TTN: variants seen among roughly 807,000 people sequenced by gnomAD.
TTN encodes titin.
Under a neutral mutation model 3,223.0 loss-of-function variants are expected in TTN, and 1,525 were observed. That is an observed-to-expected ratio of 0.47 (90% CI 0.45 to 0.49). TTN has a LOEUF of 0.49. Among genes scored for constraint, TTN ranks in the 20% least tolerant of loss-of-function variants. The pLI, the probability that TTN is intolerant of heterozygous loss-of-function variation, is 0.00. For missense variants in TTN, 40,786 were observed against 43,424.0 expected (o/e 0.94, Z 5.40); for synonymous variants, 14,094 against 15,161.0 (o/e 0.93, Z 5.17).
rs1400612460 is a variant in TTN at position 178,567,515 on chromosome 2, T to C, written c.78617A>G (p.Asn26206Ser). ...CTCAAGTCTGAATGTTTCTCCAGCATTTACCACAATTGTGTCTCTGAATTT... is the reference window on the plus strand; with the variant it reads ...CTCAAGTCTGAATGTTTCTCCAGCACTTACCACAATTGTGTCTCTGAATTT... ...DPKFRDTIVV[N>S]AGETFRLEAD... The change falls in exon 326 of 363, where the codon AAT becomes AGT. Residue 26206 changes from asparagine to serine, a missense_variant. By Grantham distance (46) the Asn-to-Ser change is conservative. Transcript: ENST00000589042. 6.2e-7 allele frequency: 1 copy of C among 1,612,498 alleles called. No homozygotes were observed.
At chr2:178,641,654 A>G (rs937709254) in intron 219 of TTN, among the ~76,000 whole-genome samples, 2 of 151,936 alleles carry the variant, frequency 1.3e-5, no homozygotes, top group African/African-American at 2.4e-5. Flanking sequence ...TTTAATGAGT[A>G]TGTAAATAAG....
Position 178,597,454 on chromosome 2 carries a change from T to C in TTN, c.57544+84A>G. 2.1e-6 allele frequency: 3 copies of C among 1,423,902 alleles called. No homozygotes were observed. In the South Asian group the frequency reaches 4.1e-5, roughly 20 times the overall value. 88.2% of individuals were successfully genotyped at this position (1,423,902 alleles called of 1,614,324 possible). A position where few individuals can be genotyped will look rare whatever the true frequency, so the allele number is the denominator to read the frequency against. ...TTTTTCTTATTTTCCAAAATGTTTG[T>C]TACACAGCATACAGCATAGCTTTGT... On this transcript the variant is annotated intron_variant, in intron 294 of 362. Transcript: ENST00000589042.
chr2:178,683,079 T>A, intron 134 of TTN, 132 bp downstream of exon 134: 1 of 936,740 alleles, frequency 1.1e-6, no homozygotes, highest in Non-Finnish European at 1.7e-6. Flanking sequence ...TTAGCAATTG[T>A]GATTTCAAAT....
chr2:178,615,225 C>G, intron 259 of TTN, 82 bp downstream of exon 259: 1 of 1,514,402 alleles, frequency 6.6e-7, no homozygotes, highest in Non-Finnish European at 9.0e-7. Flanking sequence ...TGAAAAAAGA[C>G]AAACATTTAA....
chr2:178,594,278 T>C (rs2050920337), intron 296 of TTN, 36 bp from the exon 297 acceptor site: 2 of 1,599,030 alleles, frequency 1.3e-6, no homozygotes, highest in Non-Finnish European at 1.7e-6. Context: ...GTCATTTTTA[T>C]TGATGTCTTA....
intron 68 of TTN, 33 bp from the exon 69 acceptor site, chr2:178,727,404 A>T: frequency 5.2e-6 from 8 of 1,530,778 alleles, no homozygotes; most frequent in Non-Finnish European, 6.1e-6. Context: ...AGTATCAGGG[A>T]ACAGAAATAA....
intron 49 of TTN, 21 bp from the exon 50 acceptor site, chr2:178,736,095 G>T: frequency 1.3e-6 from 2 of 1,535,120 alleles, no homozygotes; most frequent in Non-Finnish European, 1.7e-6. Context: ...AATTTTTCCA[G>T]CATTACATTT....
Position 178,636,331 on chromosome 2 carries a change from C to A in TTN, c.41329+67G>T. ...TAAGAGGTTTTGTAAAACTACAATG[C>A]AAGTTGCTACTAAGGTTTGTTACAT... On this transcript the variant is annotated intron_variant, in intron 225 of 362. Coordinates refer to ENST00000589042, the MANE Select transcript of TTN (RefSeq NM_001267550.2). This position sits in a 1 kb window ranked among gnomAD's most constrained non-coding sequence, Gnocchi z 4.3. 2 of 1,511,922 alleles carry A rather than the reference C, an allele frequency of 1.3e-6. No homozygotes were observed. Among genetic ancestry groups the A allele is most frequent in the Non-Finnish European group, 1.8e-6 (2 of 1,131,488 alleles). The allele number at this position is 1,511,922 out of a possible 1,614,324, so 93.7% of individuals were successfully genotyped here.
Position 178,783,022 on chromosome 2 carries a change from A to G in TTN, c.2884T>C (p.Leu962=), listed in dbSNP as rs1574773808. The G allele has an allele frequency of 6.2e-7, 1 of 1,614,024 alleles. No homozygotes were observed. Among genetic ancestry groups the G allele is most frequent in the South Asian group, 1.1e-5 (1 of 91,074 alleles). Reference sequence around the variant, plus strand: ...GGGTATCCAGAGATGTGGCACTCCAAGGTGACAGATTCACCTTCTATGACA... The same window carrying G: ...GGGTATCCAGAGATGTGGCACTCCAGGGTGACAGATTCACCTTCTATGACA... ...VTVIEGESVT[L]ECHISGYPSP... Residue 962 remains leucine, a synonymous_variant, in exon 18 of 363, where the codon TTG becomes CTG. Transcript: ENST00000589042.
intron 86 of TTN, 60 bp from the exon 87 acceptor site, chr2:178,717,870 C>A: frequency 6.4e-7 from 1 of 1,573,280 alleles, no homozygotes; most frequent in Non-Finnish European, 8.6e-7. Context: ...CAACATATTT[C>A]AATTCATAAA....
chr2:178,630,298 C>G lies in TTN; in HGVS notation c.44224G>C (p.Gly14742Arg). 1 of 1,613,170 alleles carries G rather than the reference C, an allele frequency of 6.2e-7. No homozygotes were observed. The highest frequency in any genetic ancestry group is 8.5e-7 in the Non-Finnish European group (1 of 1,179,452). Reference sequence around the variant, plus strand: ...TTGGCAGCTTGGAAATCCACCCCACCCGTCTGGTCCAGGCGACAGTTGTGC... The same window carrying G: ...TTGGCAGCTTGGAAATCCACCCCACGCGTCTGGTCCAGGCGACAGTTGTGC... ...VLHNCRLDQT[G>R]GVDFQAANVK... is the part of the protein sequence containing the mutation. The change falls in exon 239 of 363, where the codon GGT (glycine) becomes CGT (arginine). Residue 14742 changes from glycine to arginine, a missense_variant. Transcript: ENST00000589042.
chr2:178,767,829 T>C lies in TTN; in HGVS notation c.9401A>G (p.Asn3134Ser), dbSNP rs777759635. ...AGKYTVVAGG[N>S]VSTAKLFVEG... Reference sequence around the variant, plus strand: ...TACAAAGAGTTTTGCAGTTGACACGTTGCCTCCTGCCACCACTGTGTACTT... The same window carrying C: ...TACAAAGAGTTTTGCAGTTGACACGCTGCCTCCTGCCACCACTGTGTACTT... The change falls in exon 40 of 363, where the codon AAC becomes AGC. Residue 3134 changes from asparagine (N) to serine (S), a missense_variant. Asn to Ser is a conservative substitution (Grantham distance 46). Transcript: ENST00000589042. 8 of 1,614,170 alleles carry C rather than the reference T, an allele frequency of 5.0e-6. No individual in the cohort carries two copies. In the Admixed American group the frequency reaches 6.7e-5, roughly 13 times the overall value.
chr2:178,694,877 C>A lies in TTN; in HGVS notation c.31300G>T (p.Glu10434Ter). Residue 10434 changes from glutamate (E) to a stop codon, truncating the protein, a stop_gained, in exon 116 of 363, where the codon GAA (glutamate) becomes TAA (stop). Coordinates refer to ENST00000589042, the MANE Select transcript of TTN (RefSeq NM_001267550.2). LOFTEE classifies it high-confidence loss of function. ...VIKKPVIEKI[E>*]KTSRRMEEEK... Reference sequence around the variant, plus strand: ...TCCTCCATTCTTCGAGAAGTCTTTTCAATTTTTTCAATTACTGGCTTCTTT... The same window carrying A: ...TCCTCCATTCTTCGAGAAGTCTTTTAAATTTTTTCAATTACTGGCTTCTTT... The A allele has an allele frequency of 6.4e-7, 1 of 1,557,240 alleles. No individual in the cohort carries two copies. The highest frequency in any genetic ancestry group is 1.2e-5 in the South Asian group (1 of 84,230).
Position 178,589,395 on chromosome 2 carries a change from C to A in TTN, c.62330G>T (p.Gly20777Val). 1 of 1,613,380 alleles carries A rather than the reference C, an allele frequency of 6.2e-7. No homozygotes were observed. Among genetic ancestry groups the A allele is most frequent in the Non-Finnish European group, 8.5e-7 (1 of 1,179,628 alleles). Residue 20777 changes from glycine (G) to valine (V), a missense_variant, in exon 304 of 363, where the codon GGG becomes GTG. Physicochemically the swap from Gly to Val is moderately radical, Grantham distance 109. Transcript: ENST00000589042. The part of the protein sequence containing the change: ...QKPVLDLKLS[G>V]VLTVKAGDTI... ...GTCCCCTGCTTTGACAGTTAGGACC[C>A]CACTTAATTTCAGATCAAGTACTGG...
intron 171 of TTN, 37 bp from the exon 172 acceptor site, chr2:178,663,553 T>G (rs772793331): frequency 1.2e-5 from 20 of 1,613,584 alleles, no homozygotes; most frequent in Non-Finnish European, 1.5e-5. Context: ...TTAGGCATTA[T>G]GAAGACCACT....
rs770212603 is a variant in TTN, at chr2:178,704,615, C to T, written c.29857G>A (p.Gly9953Ser). ...TTGACTCTGAGTGTATGTCGGTCAC[C>T]ATCAATGCTTATTTCAAATTTATCA... Reference protein sequence around the residue: ...PSDKFEISIDGDRHTLRVKNC... With the variant: ...PSDKFEISIDSDRHTLRVKNC... Residue 9953 changes from glycine to serine, a missense_variant, in exon 105 of 363, where the codon GGT becomes AGT. Transcript: ENST00000589042. 6.2e-7 allele frequency: 1 copy of T among 1,612,718 alleles called. No individual in the cohort carries two copies. Among genetic ancestry groups the T allele is most frequent in the Admixed American group, 1.7e-5 (1 of 59,848 alleles).
intron 240 of TTN, among the ~76,000 whole-genome samples, chr2:178,626,081 A>G (rs2059001617): frequency 6.6e-6 from 1 of 151,994 alleles, no homozygotes; most frequent in East Asian, 1.9e-4. Flanking sequence ...AACTTAGAAA[A>G]GCGAATTCAT....
rs763746509 is a variant in TTN at position 178,563,878 on chromosome 2, G to A, written c.82254C>T (p.Thr27418=). Reference sequence around the variant, plus strand: ...GGGCCTGTACCTCAGTTGAAACCTGGGTCCAAGAGAGTCGGCTTGTCTCCC... The same window carrying A: ...GGGCCTGTACCTCAGTTGAAACCTGAGTCCAAGAGAGTCGGCTTGTCTCCC... ...EKRETSRLSW[T]QVSTEVQALN... The change falls in exon 326 of 363, where the codon ACC becomes ACT. Residue 27418 remains threonine (T), a synonymous_variant. Coordinates refer to ENST00000589042, the MANE Select transcript of TTN (RefSeq NM_001267550.2). This position sits in a 1 kb window ranked among gnomAD's most constrained non-coding sequence, Gnocchi z 4.5. The A allele has an allele frequency of 6.2e-7, 1 of 1,613,670 alleles. No homozygotes were observed. Among genetic ancestry groups the A allele is most frequent in the East Asian group, 2.2e-5 (1 of 44,822 alleles).
intron 154 of TTN, 55 bp downstream of exon 154, chr2:178,672,352 G>T: frequency 6.3e-7 from 1 of 1,598,918 alleles, no homozygotes; most frequent in Non-Finnish European, 8.5e-7. Flanking sequence ...TTTTAAAACT[G>T]AATAAAGGAT....
Sources: gnomAD v4.1 joint callset for allele counts (sites outside exome capture counted in the v4.1 genomes callset) on GRCh38, gnomAD v4.1.1 for gene constraint, Gnocchi (gnomAD v3.1) non-coding constraint, MANE v1.5 for transcripts, NCBI Gene and HGNC (gene_info 2026-07-23, HGNC 2026-07-21) for gene names.